Variants in UBE4B observed in about 807,000 individuals in gnomAD.
UBE4B encodes ubiquitin conjugation factor E4 B.
Under a neutral mutation model 148.1 loss-of-function variants are expected in UBE4B, and 27 were observed. That is an observed-to-expected ratio of 0.18 (90% CI 0.13 to 0.25). The LOEUF (loss-of-function observed/expected upper bound fraction) is 0.25, where lower values mean the gene tolerates loss of function less well. UBE4B is among the 10% of genes least tolerant of loss of function. The pLI is 1.00. For missense variants in UBE4B, 1,170 were observed against 1,662.4 expected (o/e 0.70, Z 5.15); for synonymous variants, 596 against 619.3 (o/e 0.96, Z 0.56).
chr1:10,177,775 C>T (rs1183428951), intron 25 of UBE4B, among the ~76,000 whole-genome samples: 1 of 151,900 alleles, frequency 6.6e-6, no homozygotes, highest in East Asian at 1.9e-4. Flanking sequence ...GTGTTTTTGC[C>T]ATATATGTTT....
In UBE4B at chr1:10,161,768, G is replaced by A. The variant is rs1477163930; in HGVS notation, c.3198+482G>A. On this transcript the variant is annotated intron_variant, in intron 23 of 27. Transcript: ENST00000343090. The surrounding 1 kb of genome is among the most constrained non-coding windows in gnomAD (Gnocchi z 4.1). ...AATAGAAAAGAGGCCTGGCTTGCCAGGTTCCATGGAAAGCACGTGCCGTGC... is the reference window on the plus strand; with the variant it reads ...AATAGAAAAGAGGCCTGGCTTGCCAAGTTCCATGGAAAGCACGTGCCGTGC... Among the ~76,000 whole-genome samples the A allele has an allele frequency of 6.6e-6, 1 of 152,148 alleles. No individual in the cohort carries two copies. Among genetic ancestry groups the A allele is most frequent in the Non-Finnish European group, 1.5e-5 (1 of 68,042 alleles).
rs370738129 is a variant in UBE4B, at chr1:10,103,298, A to G, written c.580+206A>G. 5.7e-4 allele frequency: 239 copies of G among 419,584 alleles called. 5 individuals carry two copies. The South Asian group carries it at 0.012, about 22-fold the overall frequency. 26.0% of individuals were successfully genotyped at this position (419,584 alleles called of 1,614,324 possible). Reference sequence around the variant, plus strand: ...TATCGATAACTTATTTTTCATTTCCATGATTTCTATAATACTATGTAAATA... The same window carrying G: ...TATCGATAACTTATTTTTCATTTCCGTGATTTCTATAATACTATGTAAATA... On this transcript the variant is annotated intron_variant, in intron 5 of 27. Coordinates refer to ENST00000343090, the MANE Select transcript of UBE4B (RefSeq NM_001105562.3).
At chr1:10,143,335 G>T (rs765589911) in intron 17 of UBE4B, among the ~76,000 whole-genome samples, 11 of 152,254 alleles carry the variant, frequency 7.2e-5, no homozygotes, top group Admixed American at 2.6e-4. Context: ...CCGGGAGTCA[G>T]AGGTTGCAGT....
chr1:10,159,547 C>T (rs1289952662), intron 22 of UBE4B, among the ~76,000 whole-genome samples: 1 of 152,056 alleles, frequency 6.6e-6, no homozygotes, highest in Non-Finnish European at 1.5e-5. Flanking sequence ...GTGGTGGGCG[C>T]GGTGGCGGGC....
intron 1 of UBE4B, among the ~76,000 whole-genome samples, chr1:10,057,506 T>C: frequency 6.8e-6 from 1 of 147,488 alleles, no homozygotes; most frequent in Non-Finnish European, 1.5e-5. Flanking sequence ...AGCCCCAAAC[T>C]ACTGCACTCA....
intron 25 of UBE4B, among the ~76,000 whole-genome samples, chr1:10,172,110 G>A (rs1217015039): frequency 1.3e-5 from 2 of 152,048 alleles, no homozygotes; most frequent in Non-Finnish European, 2.9e-5. Flanking sequence ...AATCTTGTGT[G>A]GTTTTCTTTA....
At chr1:10,052,880 G>A (rs1018067605) in intron 1 of UBE4B, among the ~76,000 whole-genome samples, 17 of 152,192 alleles carry the variant, frequency 1.1e-4, no homozygotes, top group African/African-American at 3.6e-4. Context: ...AGATCAAGGT[G>A]CTAAGAGATT....
intron 7 of UBE4B, among the ~76,000 whole-genome samples, chr1:10,109,061 TA>T (rs889200836): frequency 2.6e-5 from 4 of 152,110 alleles, no homozygotes; most frequent in Non-Finnish European, 5.9e-5. Flanking sequence ...CTCTCCCTAC[TA>T]GGAGGAATAA....
intron 4 of UBE4B, among the ~76,000 whole-genome samples, chr1:10,101,482 TTCTGTTGGTCTTTTGC>T (rs1297073252): frequency 2.0e-5 from 3 of 149,402 alleles, no homozygotes; most frequent in Admixed American, 1.3e-4. Context: ...TTAGAATTCT[TTCTGTTGGTCTTTTGC>T]TTTTTTTTTT....
intron 23 of UBE4B, among the ~76,000 whole-genome samples, chr1:10,167,535 G>A (rs961316386): frequency 6.7e-6 from 1 of 149,980 alleles, no homozygotes; most frequent in African/African-American, 2.5e-5. Flanking sequence ...CATGATGTGT[G>A]TCAGATACTA....
At position 10,161,010 on chromosome 1, in the gene UBE4B, T is replaced by C; in HGVS notation, c.3054-132T>C. 1 of 930,980 alleles carries C rather than the reference T, an allele frequency of 1.1e-6. No individual in the cohort carries two copies. Among genetic ancestry groups the C allele is most frequent in the Non-Finnish European group, 1.6e-6 (1 of 612,148 alleles). 57.7% of individuals were successfully genotyped at this position (930,980 alleles called of 1,614,324 possible). ...GTCCTTGAATTCCATAGTGCCTGAC[T>C]TGTGCCAGGGTAGCCAGGCTTTTAG... On this transcript the variant is annotated intron_variant, in intron 22 of 27. Coordinates refer to ENST00000343090, the MANE Select transcript of UBE4B (RefSeq NM_001105562.3). This position sits in a 1 kb window ranked among gnomAD's most constrained non-coding sequence, Gnocchi z 4.1.
At chr1:10,126,547 C>G (rs1006596186) in intron 10 of UBE4B, among the ~76,000 whole-genome samples, 5 of 152,094 alleles carry the variant, frequency 3.3e-5, no homozygotes, top group African/African-American at 1.2e-4. Flanking sequence ...ACTGGGGGTC[C>G]TGTCAGAGTA....
intron 24 of UBE4B, among the ~76,000 whole-genome samples, chr1:10,170,654 G>T (rs1350409363): frequency 6.6e-6 from 1 of 152,150 alleles, no homozygotes; most frequent in Non-Finnish European, 1.5e-5. Context: ...GCATTACTTT[G>T]TTATTTGTAT....
intron 7 of UBE4B, chr1:10,107,446 A>G: frequency 8.2e-7 from 1 of 1,225,986 alleles, no homozygotes. Context: ...AAGCTCTAAC[A>G]AGGGGCGTGC....
intron 5 of UBE4B, among the ~76,000 whole-genome samples, chr1:10,103,632 G>GTT (rs1186811301): frequency 3.4e-4 from 36 of 106,496 alleles, no homozygotes; most frequent in South Asian, 6.1e-4. Context: ...TTTTGTTTTT[G>GTT]TTTTTTTTTT....
At position 10,161,370 on chromosome 1, in the gene UBE4B, G is replaced by A; in HGVS notation, c.3198+84G>A. On this transcript the variant is annotated intron_variant, in intron 23 of 27. Coordinates refer to ENST00000343090, the MANE Select transcript of UBE4B (RefSeq NM_001105562.3). The surrounding 1 kb of genome is among the most constrained non-coding windows in gnomAD (Gnocchi z 4.1). ...GCAGAGCTGCTTTGGGGCTGCATTTGTGGGTCTGATGATATGCGATCTGAC... is the reference window on the plus strand; with the variant it reads ...GCAGAGCTGCTTTGGGGCTGCATTTATGGGTCTGATGATATGCGATCTGAC... 2.6e-6 allele frequency: 4 copies of A among 1,513,404 alleles called. No individual in the cohort carries two copies. The South Asian group carries it at 5.0e-5, about 19-fold the overall frequency. The allele number at this position is 1,513,404 out of a possible 1,614,324, so 93.7% of individuals were successfully genotyped here.
chr1:10,169,240 G>T (rs1050283720), intron 24 of UBE4B, among the ~76,000 whole-genome samples: 3 of 152,184 alleles, frequency 2.0e-5, no homozygotes, highest in African/African-American at 4.8e-5. Context: ...GCAAGACGGG[G>T]ACCTAAGATT....
At chr1:10,066,310 G>C (rs545041863) in intron 1 of UBE4B, among the ~76,000 whole-genome samples, 56 of 151,488 alleles carry the variant, frequency 3.7e-4, no homozygotes, top group East Asian at 1.4e-3. Flanking sequence ...GTGGGATTGG[G>C]GGGGGAGGGG....
rs928597460 is a variant in UBE4B, at chr1:10,112,673, A to G, written c.1197-4786A>G. On this transcript the variant is annotated intron_variant, in intron 7 of 27. Transcript: ENST00000343090. Reference sequence around the variant, plus strand: ...CCTCAGCCTCCCAAAGTGTAGAAATATTTCTCCATAGCATAAATTTATGCA... The same window carrying G: ...CCTCAGCCTCCCAAAGTGTAGAAATGTTTCTCCATAGCATAAATTTATGCA... 2.6e-5 allele frequency among the ~76,000 whole-genome samples: 4 copies of G among 152,160 alleles called. No homozygotes were observed. The East Asian group carries it at 7.7e-4, about 29-fold the overall frequency.
Sources: allele counts gnomAD v4.1 joint callset (sites outside exome capture counted in the v4.1 genomes callset), GRCh38; gene constraint gnomAD v4.1.1; non-coding constraint Gnocchi (gnomAD v3.1); transcripts MANE v1.5; gene names NCBI Gene and HGNC (gene_info 2026-07-23, HGNC 2026-07-21).